Variants in LDAH observed in about 807,000 individuals in gnomAD.
LDAH encodes the protein lipid droplet-associated hydrolase.
In LDAH, 26 loss-of-function variants were observed where a neutral mutation model predicts 29.6. The ratio of observed to expected loss-of-function variants is 0.88; its 90% CI spans 0.64 to 1.22. LDAH has a LOEUF of 1.22. LDAH is among the 50% of genes most tolerant of loss of function. The pLI is 0.00. For synonymous variants in LDAH, 117 were observed against 133.0 expected (o/e 0.88, Z 0.83); for missense variants, 344 against 387.3 (o/e 0.89, Z 0.94).
intron 4 of LDAH, among the ~76,000 whole-genome samples, chr2:20,743,350 A>C (rs768364521): frequency 4.9e-5 from 7 of 142,778 alleles, no homozygotes; most frequent in Non-Finnish European, 7.4e-5. Flanking sequence ...GTTTTAGGGT[A>C]CATGTGCACA....
intron 5 of LDAH, among the ~76,000 whole-genome samples, chr2:20,736,880 T>C (rs562439): frequency 0.36 from 55,241 of 152,078 alleles, 11,463 homozygotes; most frequent in Middle Eastern, 0.61. Flanking sequence ...CTCTTTGAGA[T>C]TTACTCATTT....
chr2:20,742,763 A>G (rs906270160), intron 4 of LDAH, among the ~76,000 whole-genome samples: 3 of 143,638 alleles, frequency 2.1e-5, no homozygotes, highest in African/African-American at 7.7e-5. Context: ...CAATCTTTTA[A>G]TTAGTGCTTT....
chr2:20,756,353 T>C (rs540057440), intron 4 of LDAH, among the ~76,000 whole-genome samples: 3 of 152,224 alleles, frequency 2.0e-5, no homozygotes, highest in African/African-American at 7.2e-5. Context: ...CATTCTTAAA[T>C]ATGAGTGGAT....
rs368213012 is a variant in LDAH at position 20,726,426 on chromosome 2, G to A, written c.703+13545C>T. Among the ~76,000 whole-genome samples, 8 of 152,328 alleles carry A rather than the reference G, an allele frequency of 5.3e-5. No individual in the cohort carries two copies. The South Asian group carries it at 1.7e-3, about 32-fold the overall frequency. ...CAAGACTAGAAGATTCTGGAGACAT[G>A]AGCAGCCCCACATGCCAACACAGCT... On this transcript the variant is annotated intron_variant, in intron 5 of 6. Coordinates refer to ENST00000237822, the MANE Select transcript of LDAH (RefSeq NM_021925.4).
intron 3 of LDAH, among the ~76,000 whole-genome samples, chr2:20,781,233 TCA>T (rs1030809555): frequency 3.3e-5 from 5 of 152,208 alleles, no homozygotes; most frequent in African/African-American, 7.2e-5. Context: ...AATTTTCTTT[TCA>T]CACTTTTTTT....
chr2:20,775,424 A>T (rs1302416318), intron 3 of LDAH, among the ~76,000 whole-genome samples: 1 of 152,194 alleles, frequency 6.6e-6, no homozygotes, highest in Non-Finnish European at 1.5e-5. Flanking sequence ...CTGTTTCAGT[A>T]GGTCTAGGCT....
chr2:20,790,983 AATC>A lies in LDAH; in HGVS notation c.155-588_155-586del, dbSNP rs541904751. ...CAACGAAATGGGATTTTCATCTTGTAATCATCATCTATATAAAGTCTTCACAGC... is the reference window on the plus strand; with the variant it reads ...CAACGAAATGGGATTTTCATCTTGTAATCATCTATATAAAGTCTTCACAGC... On this transcript the variant is annotated intron_variant, in intron 2 of 6. Coordinates refer to ENST00000237822, the MANE Select transcript of LDAH (RefSeq NM_021925.4). Among the ~76,000 whole-genome samples the A allele has an allele frequency of 7.2e-5, 11 of 152,302 alleles. No individual in the cohort carries two copies. The South Asian group carries it at 2.3e-3, about 32-fold the overall frequency.
In LDAH at chr2:20,782,712, T is replaced by TC. The variant is rs199926448; in HGVS notation, c.298+7542dup. Among the ~76,000 whole-genome samples, 981 of 152,286 alleles carry TC rather than the reference T, an allele frequency of 6.4e-3. 11 individuals carry two copies. Among genetic ancestry groups the TC allele is most frequent in the African/African-American group, 0.021 (853 of 41,586 alleles). ...ACTTGTAATTTGCGTCTTCTCTTTC[T>TC]CCCCCCTTGGTTAGCCTGGCTACAG... On this transcript the variant is annotated intron_variant, in intron 3 of 6. Transcript: ENST00000237822.
Position 20,771,716 on chromosome 2 carries a change from A to G in LDAH, c.468+3094T>C, listed in dbSNP as rs190389828. Among the ~76,000 whole-genome samples the G allele has an allele frequency of 1.1e-4, 17 of 152,324 alleles. 1 individual carries two copies. Among genetic ancestry groups the G allele is most frequent in the Admixed American group, 1.1e-3 (17 of 15,302 alleles). ...TTCTGAATAATAATTTAAAAATCAT[A>G]CAGATGTTCACTGCCCCTCCTACCC... is the stretch of plus-strand genomic sequence containing the variant. On this transcript the variant is annotated intron_variant, in intron 4 of 6. Coordinates refer to ENST00000237822, the MANE Select transcript of LDAH (RefSeq NM_021925.4).
intron 5 of LDAH, among the ~76,000 whole-genome samples, chr2:20,717,432 C>T (rs933986698): frequency 6.6e-6 from 1 of 152,072 alleles, no homozygotes; most frequent in Non-Finnish European, 1.5e-5. Context: ...GGGCAATAGA[C>T]AAGAGCAGAA....
At chr2:20,749,082 T>C (rs761763503) in intron 4 of LDAH, among the ~76,000 whole-genome samples, 12 of 152,214 alleles carry the variant, frequency 7.9e-5, no homozygotes, top group Non-Finnish European at 1.5e-4. Context: ...ACCTACAGTA[T>C]GCCAGGTGCT....
chr2:20,685,727 T>A lies in LDAH; in HGVS notation c.*1176A>T, dbSNP rs971926398. The A allele has an allele frequency of 4.6e-5, 69 of 1,502,270 alleles. No homozygotes were observed. In the African/African-American group the frequency reaches 6.8e-4, roughly 15 times the overall value. 93.1% of individuals were successfully genotyped at this position (1,502,270 alleles called of 1,614,324 possible). A position where few individuals can be genotyped will look rare whatever the true frequency, so the allele number is the denominator to read the frequency against. ...GCAGTATGTGGTTCTCAAGATTGAG[T>A]CAATTTAGGGGAGGCAGCAATATTG... On this transcript the variant is annotated 3_prime_UTR_variant, in exon 7 of 7. Transcript: ENST00000237822.
chr2:20,774,138 A>G (rs1388447311), intron 4 of LDAH, among the ~76,000 whole-genome samples: 1 of 152,240 alleles, frequency 6.6e-6, no homozygotes, highest in East Asian at 1.9e-4. Flanking sequence ...AGTTATTTCA[A>G]TGGTATATGC....
chr2:20,813,779 C>G (rs1478148420), intron 1 of LDAH, among the ~76,000 whole-genome samples: 1 of 152,228 alleles, frequency 6.6e-6, no homozygotes, highest in East Asian at 1.9e-4. Flanking sequence ...TATAAAATAC[C>G]TTACTCTTTA....
At position 20,697,345 on chromosome 2, in the gene LDAH, C is replaced by T. The variant is rs369290275; in HGVS notation, c.786+4225G>A. Among the ~76,000 whole-genome samples the T allele has an allele frequency of 1.5e-3, 228 of 152,292 alleles. 4 individuals are homozygous for T. The South Asian group carries it at 0.044, about 29-fold the overall frequency. The stretch of plus-strand genomic sequence containing the variant: ...AATCTTTCCATCTTCAATCCCAATG[C>T]CTTAGTTCTTATAAAAGCTTTGTAA... On this transcript the variant is annotated intron_variant, in intron 6 of 6. Coordinates refer to ENST00000237822, the MANE Select transcript of LDAH (RefSeq NM_021925.4).
intron 5 of LDAH, among the ~76,000 whole-genome samples, chr2:20,713,952 G>C (rs1170932263): frequency 6.6e-6 from 1 of 152,146 alleles, no homozygotes; most frequent in East Asian, 1.9e-4. Flanking sequence ...ACACCCCACT[G>C]TCAATATTAG....
chr2:20,754,618 G>A lies in LDAH; in HGVS notation c.469-14413C>T, dbSNP rs1298711320. Among the ~76,000 whole-genome samples, 5 of 152,022 alleles carry A rather than the reference G, an allele frequency of 3.3e-5. No homozygotes were observed. The East Asian group carries it at 9.6e-4, about 29-fold the overall frequency. On this transcript the variant is annotated intron_variant, in intron 4 of 6. Transcript: ENST00000237822. The stretch of plus-strand genomic sequence containing the variant: ...TAATATCACCAATGATGAGCAGCTG[G>A]ATGTCATGTGCCTGCAGGTGACCTA...
intron 5 of LDAH, among the ~76,000 whole-genome samples, chr2:20,738,274 TA>T (rs1323407721): frequency 2.0e-5 from 3 of 148,094 alleles, no homozygotes; most frequent in African/African-American, 5.0e-5. Flanking sequence ...ATAATAATAA[TA>T]ATAATAATAA....
rs112491632 is a variant in LDAH at position 20,730,784 on chromosome 2, C to T, written c.703+9187G>A. On this transcript the variant is annotated intron_variant, in intron 5 of 6. Transcript: ENST00000237822. The stretch of plus-strand genomic sequence containing the variant: ...TAAGAAGAGCCAAGTGCTCCAGCAA[C>T]ATTGTTGAAATGGCAATTCCTCTTT... Among the ~76,000 whole-genome samples, 441 of 152,268 alleles carry T rather than the reference C, an allele frequency of 2.9e-3. 5 individuals are homozygous for T. The South Asian group carries it at 0.042, about 14-fold the overall frequency.
Sources: allele counts gnomAD v4.1 joint callset (sites outside exome capture counted in the v4.1 genomes callset), GRCh38; gene constraint gnomAD v4.1.1; transcripts MANE v1.5; gene names NCBI Gene and HGNC (gene_info 2026-07-23, HGNC 2026-07-21).